EPB41: variants seen among roughly 807,000 people sequenced by gnomAD.
EPB41 encodes the protein protein 4.1.
Under a neutral mutation model 108.0 loss-of-function variants are expected in EPB41, and 65 were observed. That is an observed-to-expected ratio of 0.60 (90% CI 0.49 to 0.74). EPB41 has a LOEUF of 0.74. Ranked by LOEUF, EPB41 falls within the 30% of genes least tolerant of loss-of-function variation. EPB41 has a pLI of 0.00. For synonymous variants in EPB41, 336 were observed against 358.9 expected, an observed-to-expected ratio of 0.94 and a Z score of 0.72; for missense variants, 875 against 1,037.0, an observed-to-expected ratio of 0.84 and a Z score of 2.15.
intron 1 of EPB41, among the ~76,000 whole-genome samples, chr1:28,972,297 C>T (rs537820008): frequency 6.6e-6 from 1 of 152,270 alleles, no homozygotes; most frequent in South Asian, 2.1e-4. Flanking sequence ...TCACATTGTC[C>T]TCATTGATGC....
chr1:29,062,239 G>GT (rs1438000990), intron 15 of EPB41, among the ~76,000 whole-genome samples: 1 of 152,170 alleles, frequency 6.6e-6, no homozygotes, highest in Admixed American at 6.5e-5. Context: ...ATTTGGCAGT[G>GT]TAACATCTTG....
At position 28,993,522 on chromosome 1, in the gene EPB41, G is replaced by T; in HGVS notation, c.661G>T (p.Val221Phe). 6.2e-7 allele frequency: 1 copy of T among 1,613,978 alleles called. No homozygotes were observed. The highest frequency in any genetic ancestry group is 1.1e-5 in the South Asian group (1 of 91,072). The change falls in exon 3 of 21, where the codon GTT becomes TTT. Residue 221 changes from valine to phenylalanine, a missense_variant. By Grantham distance (50) the Val-to-Phe change is conservative. This residue lies in a region of EPB41 where 353 missense variants were observed against 393.2 expected (regional missense o/e 0.90). Coordinates refer to ENST00000343067, the MANE Select transcript of EPB41 (RefSeq NM_001376013.1). ...CAAGGTTTCTTTGTTGGATGACACA[G>T]TTTATGAATGTGTTGTGGAGGTGAG... is the stretch of plus-strand genomic sequence containing the variant. ...HCKVSLLDDT[V>F]YECVVEKHAK...
At chr1:28,887,166 G>A, upstream of EPB41, 1 of 1,158,224 alleles carries the variant, frequency 8.6e-7, no homozygotes, top group Non-Finnish European at 1.1e-6. This position sits in a 1 kb window ranked among gnomAD's most constrained non-coding sequence, Gnocchi z 4.9. Flanking sequence ...AGAGCGGCGC[G>A]GAGCCAGAAC....
intron 1 of EPB41, among the ~76,000 whole-genome samples, chr1:28,938,124 GGTAA>G (rs1192517098): frequency 7.2e-5 from 11 of 152,194 alleles, no homozygotes; most frequent in Admixed American, 6.5e-4. Context: ...CTTTGAAATT[GGTAA>G]GTGTGAGTCC....
At position 28,888,292 on chromosome 1, in the gene EPB41, G is replaced by A. The variant is rs534269126; in HGVS notation, c.-8+1082G>A. Among the ~76,000 whole-genome samples the A allele has an allele frequency of 1.9e-3, 285 of 152,342 alleles. 1 individual carries two copies. Among genetic ancestry groups the A allele is most frequent in the African/African-American group, 6.4e-3 (267 of 41,592 alleles). Reference sequence around the variant, plus strand: ...CTGCCTAGTGTCTCGTCAGGGTCAGGTCCTCAGCTATTGAAGGGGAGCGGG... The same window carrying A: ...CTGCCTAGTGTCTCGTCAGGGTCAGATCCTCAGCTATTGAAGGGGAGCGGG... On this transcript the variant is annotated intron_variant, in intron 1 of 16. Coordinates refer to the EPB41 transcript ENST00000347529.
chr1:28,980,760 A>G (rs1399980833), intron 1 of EPB41, among the ~76,000 whole-genome samples: 1 of 144,604 alleles, frequency 6.9e-6, no homozygotes, highest in Non-Finnish European at 1.5e-5. Context: ...ATTTGCCTGC[A>G]TTGGCATTCC....
intron 1 of EPB41, among the ~76,000 whole-genome samples, chr1:28,926,951 G>T (rs565810454): frequency 6.6e-6 from 1 of 152,320 alleles, no homozygotes; most frequent in South Asian, 2.1e-4. Context: ...GCCTGAGTGT[G>T]AGTATTCTAA....
chr1:28,935,471 C>CCCA (rs2093979395), intron 1 of EPB41, among the ~76,000 whole-genome samples: 1 of 49,466 alleles, frequency 2.0e-5, no homozygotes, highest in Non-Finnish European at 4.0e-5. Flanking sequence ...ACACACACCC[C>CCCA]CCCCCCCCCA....
chr1:28,916,795 A>T (rs1000251683), intron 1 of EPB41, among the ~76,000 whole-genome samples: 1 of 145,082 alleles, frequency 6.9e-6, no homozygotes, highest in African/African-American at 2.5e-5. Flanking sequence ...TCTCCCAACA[A>T]TTTTTTTTTT....
intron 2 of EPB41, among the ~76,000 whole-genome samples, chr1:28,989,722 C>T (rs761517818): frequency 1.3e-5 from 2 of 152,096 alleles, no homozygotes; most frequent in Non-Finnish European, 2.9e-5. Flanking sequence ...GGGTTCAAAT[C>T]GAAGAAAAGT....
intron 18 of EPB41, 28 bp downstream of exon 18, chr1:29,109,465 G>A: frequency 6.3e-7 from 1 of 1,589,204 alleles, no homozygotes; most frequent in Non-Finnish European, 8.6e-7. Flanking sequence ...ACCTCTTTAT[G>A]GAACCCAGGG....
intron 7 of EPB41, among the ~76,000 whole-genome samples, chr1:29,024,346 A>G (rs1207834992): frequency 6.7e-6 from 1 of 150,124 alleles, no homozygotes; most frequent in Non-Finnish European, 1.5e-5. Context: ...AAATAAATAA[A>G]TTAAAGGCCG....
intron 5 of EPB41, among the ~76,000 whole-genome samples, chr1:29,013,603 T>C (rs538561216): frequency 6.6e-6 from 1 of 152,226 alleles, no homozygotes; most frequent in East Asian, 2.0e-4. Context: ...TTCGGCTCAC[T>C]GCAACCTCCA....
At chr1:29,092,214 C>T (rs891503344) in intron 16 of EPB41, among the ~76,000 whole-genome samples, 4 of 151,184 alleles carry the variant, frequency 2.6e-5, no homozygotes, top group African/African-American at 9.7e-5. Context: ...TCTCCTGCCT[C>T]AGCCTCCCGA....
At chr1:29,027,774 A>G (rs909830205) in intron 7 of EPB41, among the ~76,000 whole-genome samples, 3 of 152,214 alleles carry the variant, frequency 2.0e-5, no homozygotes, top group Non-Finnish European at 4.4e-5. Flanking sequence ...AACATCAGCC[A>G]AACTTCAAAT....
chr1:29,093,055 T>C (rs1228772970), intron 16 of EPB41, among the ~76,000 whole-genome samples: 1 of 152,226 alleles, frequency 6.6e-6, no homozygotes, highest in Admixed American at 6.5e-5. Flanking sequence ...TTATATTCCT[T>C]TGGGTATATA....
chr1:28,999,747 A>G (rs2096259381), intron 4 of EPB41, among the ~76,000 whole-genome samples: 1 of 152,034 alleles, frequency 6.6e-6, no homozygotes, highest in Non-Finnish European at 1.5e-5. Context: ...TGGGATTTAT[A>G]TTCTGTCCTG....
intron 16 of EPB41, among the ~76,000 whole-genome samples, chr1:29,091,798 C>T (rs2151417561): frequency 6.6e-6 from 1 of 152,226 alleles, no homozygotes; most frequent in South Asian, 2.1e-4. Context: ...TATTTGTTAT[C>T]AGCCAATGAA....
chr1:29,062,414 A>G (rs906042292), intron 15 of EPB41, among the ~76,000 whole-genome samples: 2 of 152,188 alleles, frequency 1.3e-5, no homozygotes, highest in Non-Finnish European at 2.9e-5. Context: ...TCAGCATTTC[A>G]TTGACAGCCC....
Sources: gnomAD v4.1 joint callset for allele counts (sites outside exome capture counted in the v4.1 genomes callset) on GRCh38, gnomAD v4.1.1 for gene constraint, gnomAD v4.1.1 regional missense constraint, Gnocchi (gnomAD v3.1) non-coding constraint, MANE v1.5 for transcripts, NCBI Gene and HGNC (gene_info 2026-07-23, HGNC 2026-07-21) for gene names.